The following CUX1 variants were observed in gnomAD, a reference collection of about 807,000 sequenced individuals.
CUX1 encodes the protein protein CASP.
CUX1 carries 31 observed loss-of-function variants against 158.8 expected under a neutral mutation model. The observed-to-expected ratio is 0.20, with a 90% CI of 0.15 to 0.26. The LOEUF (loss-of-function observed/expected upper bound fraction) is 0.26. Ranked by LOEUF, CUX1 falls within the 10% of genes least tolerant of loss-of-function variation. The pLI is 1.00. For synonymous variants in CUX1, 879 were observed against 862.1 expected (o/e 1.02, Z -0.34); for missense variants, 1,589 against 2,014.6 (o/e 0.79, Z 4.04).
chr7:102,281,484 G>A (rs776848193), intron 20 of CUX1, among the ~76,000 whole-genome samples: 72 of 152,012 alleles, frequency 4.7e-4, no homozygotes, highest in Admixed American at 1.1e-3. Context: ...CCAACATAGT[G>A]AAACCCTATC....
At chr7:101,874,079 A>G (rs1004551394) in intron 1 of CUX1, among the ~76,000 whole-genome samples, 5 of 152,210 alleles carry the variant, frequency 3.3e-5, no homozygotes, top group African/African-American at 9.6e-5. Flanking sequence ...CATATTTCAT[A>G]TTCTTTGGGC....
At chr7:102,017,584 C>T (rs528133665) in intron 2 of CUX1, among the ~76,000 whole-genome samples, 9 of 152,180 alleles carry the variant, frequency 5.9e-5, no homozygotes, top group Non-Finnish European at 8.8e-5. Flanking sequence ...CGGTGGCTCA[C>T]GCCTGTAACC....
At chr7:102,046,026 A>G (rs188866195) in intron 3 of CUX1, among the ~76,000 whole-genome samples, 382 of 152,358 alleles carry the variant, frequency 2.5e-3, no homozygotes, top group Non-Finnish European at 4.3e-3. Flanking sequence ...ATTGAGCTGA[A>G]CTGAGTTGAA....
chr7:102,266,159 A>C (rs1156274026), intron 14 of CUX1, among the ~76,000 whole-genome samples: 1 of 149,750 alleles, frequency 6.7e-6, no homozygotes, highest in South Asian at 2.1e-4. Flanking sequence ...AGTTGAGATC[A>C]TGCCACTGCA....
intron 20 of CUX1, among the ~76,000 whole-genome samples, chr7:102,212,382 C>T (rs1019406360): frequency 3.9e-5 from 6 of 152,144 alleles, no homozygotes; most frequent in East Asian, 3.9e-4. Context: ...CAGCACCACT[C>T]GTCACACACC....
chr7:101,990,379 T>C (rs1585194602), intron 2 of CUX1, among the ~76,000 whole-genome samples: 1 of 148,718 alleles, frequency 6.7e-6, no homozygotes, highest in African/African-American at 2.6e-5. Flanking sequence ...TGTTTGTTTG[T>C]TTGTTTGTTT....
rs374612687 is a variant in CUX1 at position 102,239,733 on chromosome 7, GT to G, written c.3887+159del. On this transcript the variant is annotated intron_variant, in intron 23 of 23. Coordinates refer to ENST00000292535, the MANE Select transcript of CUX1 (RefSeq NM_181552.4). ...TTGGTCCGTTCCTTGGTCCCTTAGG[GT>G]TTTTTTTTTCTTTTCTTTTCTTTTC... 8.8e-3 allele frequency: 6,663 copies of G among 758,914 alleles called. 293 individuals are homozygous for G. The African/African-American group carries it at 0.1, about 11-fold the overall frequency. The allele number at this position is 758,914 out of a possible 1,614,324, so 47.0% of individuals were successfully genotyped here.
At chr7:102,125,279 G>A (rs1343539322) in intron 8 of CUX1, among the ~76,000 whole-genome samples, 2 of 152,120 alleles carry the variant, frequency 1.3e-5, no homozygotes, top group Non-Finnish European at 2.9e-5. Context: ...GGACGTTTGC[G>A]CTCTGGAAAG....
intron 20 of CUX1, among the ~76,000 whole-genome samples, chr7:102,220,499 C>T (rs1554526562): frequency 1.3e-5 from 2 of 152,234 alleles, no homozygotes; most frequent in African/African-American, 2.4e-5. Context: ...CTGGTGCCCA[C>T]ATCACGATCT....
chr7:102,265,738 T>G (rs1293272916), intron 14 of CUX1, among the ~76,000 whole-genome samples: 1 of 151,978 alleles, frequency 6.6e-6, no homozygotes, highest in African/African-American at 2.4e-5. Flanking sequence ...CCGACCAACT[T>G]TTTAAAAGGC....
chr7:102,191,874 C>A (rs1794316279), intron 12 of CUX1, among the ~76,000 whole-genome samples: 1 of 152,002 alleles, frequency 6.6e-6, no homozygotes, highest in African/African-American at 2.4e-5. Flanking sequence ...CTCCAGCCTG[C>A]AACACATACC....
chr7:101,946,693 C>T (rs1448720758), intron 2 of CUX1, among the ~76,000 whole-genome samples: 2 of 152,058 alleles, frequency 1.3e-5, no homozygotes, highest in African/African-American at 2.4e-5. Flanking sequence ...AAAGATCACT[C>T]ACTGCTAAGC....
chr7:102,000,087 G>A (rs1398695578), intron 2 of CUX1, among the ~76,000 whole-genome samples: 2 of 152,126 alleles, frequency 1.3e-5, no homozygotes. Flanking sequence ...GTGGTAGCAG[G>A]CAACTGTAAT....
At chr7:102,063,642 C>T (rs1347467075) in intron 3 of CUX1, among the ~76,000 whole-genome samples, 1 of 152,102 alleles carries the variant, frequency 6.6e-6, no homozygotes, top group East Asian at 1.9e-4. Context: ...ATCCACCCAC[C>T]TTGGCCTCCC....
At chr7:102,276,883 G>A (rs1319124348) in intron 17 of CUX1, among the ~76,000 whole-genome samples, 1 of 152,110 alleles carries the variant, frequency 6.6e-6, no homozygotes, top group Non-Finnish European at 1.5e-5. Context: ...TAGTGGGGAT[G>A]GTTGCATAAC....
At chr7:101,905,749 A>G (rs1261084178) in intron 1 of CUX1, among the ~76,000 whole-genome samples, 1 of 152,204 alleles carries the variant, frequency 6.6e-6, no homozygotes, top group Non-Finnish European at 1.5e-5. Context: ...TGCCCTGTGT[A>G]GAGATTCCTG....
intron 2 of CUX1, among the ~76,000 whole-genome samples, chr7:101,927,418 G>A (rs531101505): frequency 6.6e-6 from 1 of 152,258 alleles, no homozygotes; most frequent in East Asian, 1.9e-4. Flanking sequence ...CAGCACTTTG[G>A]AGGCTGAGGT....
intron 2 of CUX1, chr7:101,932,302 C>T (rs1230543925): frequency 1.0e-5 from 2 of 198,728 alleles, no homozygotes; most frequent in South Asian, 8.3e-5. Context: ...ATGGGGCCGG[C>T]GTCAGCCTAT....
At chr7:102,226,738 C>A (rs1586325430) in intron 20 of CUX1, among the ~76,000 whole-genome samples, 1 of 152,278 alleles carries the variant, frequency 6.6e-6, no homozygotes, top group East Asian at 1.9e-4. Flanking sequence ...GCAAGTGATT[C>A]TCCTGCCTCA....
Sources: gnomAD v4.1 joint callset for allele counts (sites outside exome capture counted in the v4.1 genomes callset) on GRCh38, gnomAD v4.1.1 for gene constraint, MANE v1.5 for transcripts, NCBI Gene and HGNC (gene_info 2026-07-23, HGNC 2026-07-21) for gene names.